Variants in ZNF536 observed in about 807,000 individuals in gnomAD.
ZNF536 encodes zinc finger protein 536.
In ZNF536, 13 loss-of-function variants were observed where a neutral mutation model predicts 84.5. The observed-to-expected ratio is 0.15, with a 90% CI of 0.10 to 0.24. The LOEUF is 0.24. Among genes scored for constraint, ZNF536 ranks in the 10% least tolerant of loss-of-function variants. The pLI, the probability that ZNF536 is intolerant of heterozygous loss-of-function variation, is 1.00. For missense variants in ZNF536, 1,536 were observed against 1,747.5 expected, an observed-to-expected ratio of 0.88 and a Z score of 2.16; for synonymous variants, 811 against 742.5, an observed-to-expected ratio of 1.09 and a Z score of -1.50.
chr19:30,666,958 C>A (rs1229941101), intron 1 of ZNF536, among the ~76,000 whole-genome samples: 1 of 151,812 alleles, frequency 6.6e-6, no homozygotes, highest in Admixed American at 6.6e-5. Context: ...TTGTGGTAAC[C>A]CTGGGCTCAT....
chr19:30,401,819 A>G (rs1246451075), intron 1 of ZNF536, among the ~76,000 whole-genome samples: 1 of 152,230 alleles, frequency 6.6e-6, no homozygotes, highest in Admixed American at 6.5e-5. Context: ...ACTTCAAGGG[A>G]AAAGGAAAAA....
chr19:30,300,363 A>G (rs2145921034), intron 2 of ZNF536: 1 of 152,214 alleles, frequency 6.6e-6, no homozygotes, highest in Middle Eastern at 3.4e-3. Flanking sequence ...GCTCTCCAGG[A>G]GCCTTCCTGT....
intron 1 of ZNF536, among the ~76,000 whole-genome samples, chr19:30,663,835 A>G (rs1600192588): frequency 1.3e-5 from 2 of 152,356 alleles, no homozygotes; most frequent in Middle Eastern, 3.4e-3. Flanking sequence ...TGTTTTTAGG[A>G]TGATGCTATT....
intron 2 of ZNF536, among the ~76,000 whole-genome samples, chr19:30,532,209 A>G (rs372903762): frequency 6.6e-6 from 1 of 151,884 alleles, no homozygotes; most frequent in African/African-American, 2.4e-5. Flanking sequence ...AGCTCACCGC[A>G]ACCTCCACCT....
At chr19:30,374,956 G>T (rs1306596620) in intron 1 of ZNF536, among the ~76,000 whole-genome samples, 6 of 151,894 alleles carry the variant, frequency 4.0e-5, no homozygotes, top group Non-Finnish European at 8.8e-5. Flanking sequence ...GAGGATCATT[G>T]TTGTTGGTTC....
chr19:30,240,347 T>A (rs748810580), intron 1 of ZNF536, among the ~76,000 whole-genome samples: 26 of 151,062 alleles, frequency 1.7e-4, no homozygotes, highest in Non-Finnish European at 2.8e-4. Context: ...CACTCCAGCC[T>A]GGGTGACAGA....
chr19:30,515,843 T>C lies in ZNF536; in HGVS notation c.2171-19004T>C, dbSNP rs139411123. ...GAGTTCGAGACCAGCCTGGCCAACA[T>C]GGTGAAACCCTATCTCTACTAAAAA... On this transcript the variant is annotated intron_variant, in intron 2 of 4. Coordinates refer to ENST00000355537, the MANE Select transcript of ZNF536 (RefSeq NM_014717.3). Among the ~76,000 whole-genome samples, 10 of 151,720 alleles carry C rather than the reference T, an allele frequency of 6.6e-5. No homozygotes were observed. In the East Asian group the frequency reaches 1.9e-3, roughly 29 times the overall value.
At chr19:30,363,208 C>T (rs983573793) in intron 3 of ZNF536, among the ~76,000 whole-genome samples, 7 of 152,128 alleles carry the variant, frequency 4.6e-5, no homozygotes, top group Non-Finnish European at 7.4e-5. Flanking sequence ...CAGTATTTCC[C>T]GACCTATTCC....
intron 2 of ZNF536, among the ~76,000 whole-genome samples, chr19:30,483,364 C>T (rs1006984596): frequency 1.3e-5 from 2 of 152,088 alleles, no homozygotes; most frequent in Non-Finnish European, 2.9e-5. Flanking sequence ...TTTCCAAGGC[C>T]TCAAGTTTCC....
upstream of ZNF536, among the ~76,000 whole-genome samples, chr19:30,371,497 A>G (rs2147028612): frequency 6.6e-6 from 1 of 151,968 alleles, no homozygotes; most frequent in East Asian, 1.9e-4. Flanking sequence ...TTGGGCCAAA[A>G]GTCAAGCCAT....
At chr19:30,350,072 T>A (rs1189905220) in intron 2 of ZNF536, among the ~76,000 whole-genome samples, 2 of 152,154 alleles carry the variant, frequency 1.3e-5, no homozygotes, top group African/African-American at 4.8e-5. Flanking sequence ...AAGTCTGGTG[T>A]CTGCCGGACA....
chr19:30,229,509 G>C (rs546105439), intron 1 of ZNF536, among the ~76,000 whole-genome samples: 59 of 152,308 alleles, frequency 3.9e-4, no homozygotes, highest in African/African-American at 1.4e-3. Flanking sequence ...GTTCTTGTTT[G>C]CCGGCCAGCC....
intron 4 of ZNF536, chr19:30,554,061 C>A (rs1337711183): frequency 6.6e-6 from 1 of 150,812 alleles, no homozygotes; most frequent in Non-Finnish European, 1.5e-5. Flanking sequence ...TTCTGGGCTT[C>A]CACATTAGTG....
intron 1 of ZNF536, among the ~76,000 whole-genome samples, chr19:30,235,162 T>A (rs1882561861): frequency 1.3e-5 from 2 of 152,286 alleles, no homozygotes; most frequent in Non-Finnish European, 2.9e-5. Context: ...CTTGCTTAGT[T>A]CTTTTAATGC....
downstream of ZNF536, among the ~76,000 whole-genome samples, chr19:30,558,500 T>C: frequency 6.6e-6 from 1 of 152,194 alleles, no homozygotes; most frequent in East Asian, 1.9e-4. Flanking sequence ...TCTGAACATG[T>C]TCTTTTCATC....
rs558307829 is a variant in ZNF536 at position 30,314,586 on chromosome 19, A to C, written c.-120+30445A>C. 2.6e-5 allele frequency among the ~76,000 whole-genome samples: 4 copies of C among 152,228 alleles called. No individual in the cohort carries two copies. The South Asian group carries it at 8.3e-4, about 32-fold the overall frequency. ...TCCCAGGATCTGGGAGGCAGAGCTC[A>C]GCTGTTGGACTCATGTTGTCAGGGT... On this transcript the variant is annotated intron_variant, in intron 2 of 5. Coordinates refer to the ZNF536 transcript ENST00000585628.
At chr19:30,384,671 T>C (rs1165098547) in intron 1 of ZNF536, among the ~76,000 whole-genome samples, 1 of 151,958 alleles carries the variant, frequency 6.6e-6, no homozygotes. Flanking sequence ...ATCCACTTCT[T>C]GCACCCTGAG....
chr19:30,297,542 G>C (rs1400213027), intron 2 of ZNF536, among the ~76,000 whole-genome samples: 1 of 152,182 alleles, frequency 6.6e-6, no homozygotes, highest in Non-Finnish European at 1.5e-5. Flanking sequence ...AGAGACACAG[G>C]TGTCACCTAT....
chr19:30,631,012 G>A (rs905407915), intron 1 of ZNF536, among the ~76,000 whole-genome samples: 26 of 152,128 alleles, frequency 1.7e-4, no homozygotes, highest in African/African-American at 5.8e-4. Context: ...CTCGAGGTGT[G>A]CTTGTGTGTA....
Sources: gnomAD v4.1 joint callset for allele counts (sites outside exome capture counted in the v4.1 genomes callset) on GRCh38, gnomAD v4.1.1 for gene constraint, MANE v1.5 for transcripts, NCBI Gene and HGNC (gene_info 2026-07-23, HGNC 2026-07-21) for gene names.